TSPAN11: variants seen among roughly 807,000 people sequenced by gnomAD.
The protein encoded by TSPAN11 is tetraspanin-11.
TSPAN11 carries 29 observed loss-of-function variants against 32.9 expected under a neutral mutation model. The observed-to-expected ratio is 0.88, with a 90% CI of 0.66 to 1.20. TSPAN11 has a LOEUF of 1.20. TSPAN11 is among the 50% of genes most tolerant of loss of function. TSPAN11 has a pLI of 0.00. For synonymous variants in TSPAN11, 140 were observed against 141.3 expected (o/e 0.99, Z 0.07); for missense variants, 283 against 329.1 (o/e 0.86, Z 1.08).
intron 1 of TSPAN11, among the ~76,000 whole-genome samples, chr12:30,932,552 C>T (rs1937954691): frequency 6.6e-6 from 1 of 152,172 alleles, no homozygotes; most frequent in Admixed American, 6.5e-5. Context: ...GGCATATGGT[C>T]CTTCTCTCGA....
At chr12:31,009,020 C>T in the TSPAN11 span, among the ~76,000 whole-genome samples, 3 of 152,328 alleles carry the variant, frequency 2.0e-5, no homozygotes, top group Admixed American at 6.5e-5. Flanking sequence ...TGACCCCAAT[C>T]GCTGTGTTAG....
intron 1 of TSPAN11, among the ~76,000 whole-genome samples, chr12:30,951,399 C>G (rs1938378254): frequency 6.6e-6 from 1 of 152,192 alleles, no homozygotes; most frequent in African/African-American, 2.4e-5. Context: ...TCTGGTCGCT[C>G]CCCTTCCTCC....
At chr12:30,978,015 C>T (rs1939010345) in intron 3 of TSPAN11, among the ~76,000 whole-genome samples, 1 of 152,206 alleles carries the variant, frequency 6.6e-6, no homozygotes, top group South Asian at 2.1e-4. Context: ...ACTCCCTGAA[C>T]ACAAATGCCC....
intron 3 of TSPAN11, 100 bp downstream of exon 3, chr12:30,964,117 C>T: frequency 1.0e-6 from 1 of 969,338 alleles, no homozygotes; most frequent in Non-Finnish European, 1.4e-6. Flanking sequence ...GTGGGAGGGG[C>T]TGAGGCTGTG....
chr12:30,962,354 C>G (rs888562515), intron 2 of TSPAN11, among the ~76,000 whole-genome samples: 1 of 152,256 alleles, frequency 6.6e-6, no homozygotes, highest in African/African-American at 2.4e-5. Context: ...GGGACAGAGT[C>G]CTGGATTTGC....
intron 1 of TSPAN11, chr12:30,927,064 C>T: frequency 1.6e-6 from 2 of 1,263,554 alleles, no homozygotes; most frequent in South Asian, 2.6e-5. Context: ...CATGAGTCTG[C>T]CTTTCTGCAC....
chr12:30,965,572 T>C (rs1173656000), intron 3 of TSPAN11, among the ~76,000 whole-genome samples: 1 of 152,060 alleles, frequency 6.6e-6, no homozygotes. Flanking sequence ...AGAGCCCAAT[T>C]AGAACACAAA....
intron 3 of TSPAN11, 81 bp from the exon 4 acceptor site, chr12:30,978,480 C>T (rs1393738500): frequency 1.4e-6 from 2 of 1,389,224 alleles, no homozygotes; most frequent in Non-Finnish European, 2.0e-6. Flanking sequence ...GGTATCTCTA[C>T]CACCCCCACC....
intron 1 of TSPAN11, among the ~76,000 whole-genome samples, chr12:30,938,306 T>C (rs929926626): frequency 3.3e-5 from 5 of 152,176 alleles, no homozygotes; most frequent in Non-Finnish European, 5.9e-5. Flanking sequence ...CCACCCTCAA[T>C]GGACATGAGC....
intron 1 of TSPAN11, among the ~76,000 whole-genome samples, chr12:30,934,531 T>C (rs760186678): frequency 6.6e-6 from 1 of 152,204 alleles, no homozygotes; most frequent in African/African-American, 2.4e-5. Flanking sequence ...CCTTATATAC[T>C]GAGGTTTTAC....
chr12:30,989,367 A>C (rs1337069844), intron 7 of TSPAN11, among the ~76,000 whole-genome samples: 1 of 152,144 alleles, frequency 6.6e-6, no homozygotes, highest in Non-Finnish European at 1.5e-5. Flanking sequence ...GTGAGGGAAT[A>C]GCGTGTGCAA....
intron 7 of TSPAN11, among the ~76,000 whole-genome samples, chr12:30,991,398 G>A (rs1939309237): frequency 6.6e-6 from 1 of 152,184 alleles, no homozygotes; most frequent in Admixed American, 6.5e-5. Flanking sequence ...TTCCTAGAGA[G>A]ACAGTCCACT....
At chr12:31,003,270 G>A in the TSPAN11 span, among the ~76,000 whole-genome samples, 1 of 152,244 alleles carries the variant, frequency 6.6e-6, no homozygotes, top group Non-Finnish European at 1.5e-5. Flanking sequence ...CCTCTGGGAG[G>A]TGTGGGGACC....
In TSPAN11 at chr12:30,992,107, C is replaced by T; in HGVS notation, c.*192C>T. On this transcript the variant is annotated 3_prime_UTR_variant, in exon 8 of 8. Transcript: ENST00000546076. ...CCACCCAGGCAGAGACCCTCGGCCC[C>T]CTCTCCTCCATTTCTGAGCCCCCAT... is the stretch of plus-strand genomic sequence containing the variant. 1 of 637,274 alleles carries T rather than the reference C, an allele frequency of 1.6e-6. No homozygotes were observed. Among genetic ancestry groups the T allele is most frequent in the Non-Finnish European group, 2.8e-6 (1 of 357,992 alleles). 39.5% of individuals were successfully genotyped at this position (637,274 alleles called of 1,614,324 possible). A position where few individuals can be genotyped will look rare whatever the true frequency, so the allele number is the denominator to read the frequency against.
intron 7 of TSPAN11, among the ~76,000 whole-genome samples, chr12:30,984,999 G>A (rs111560672): frequency 2.6e-5 from 4 of 152,264 alleles, no homozygotes; most frequent in East Asian, 1.9e-4. Context: ...CAGATCTGTG[G>A]GAAAGAGAAG....
intron 1 of TSPAN11, among the ~76,000 whole-genome samples, chr12:30,948,102 T>C (rs991843026): frequency 6.6e-6 from 1 of 152,216 alleles, no homozygotes; most frequent in African/African-American, 2.4e-5. Flanking sequence ...ACTCCAGCTC[T>C]CACATCCAGG....
At chr12:30,984,580 C>T (rs1259181774) in intron 7 of TSPAN11, among the ~76,000 whole-genome samples, 5 of 103,248 alleles carry the variant, frequency 4.8e-5, no homozygotes, top group African/African-American at 9.9e-5. Context: ...TTTTTTTGCG[C>T]GACAGTCTCA....
the TSPAN11 span, among the ~76,000 whole-genome samples, chr12:31,013,798 G>C: frequency 6.6e-6 from 1 of 152,154 alleles, no homozygotes; most frequent in Non-Finnish European, 1.5e-5. Context: ...GTCTGGTCTT[G>C]AACCAGGAAT....
chr12:30,956,174 G>A (rs1390976727), intron 2 of TSPAN11, among the ~76,000 whole-genome samples: 1 of 152,220 alleles, frequency 6.6e-6, no homozygotes, highest in Non-Finnish European at 1.5e-5. Context: ...GATGGTGGAT[G>A]GTAGAGCTCT....
Sources: allele counts gnomAD v4.1 joint callset (sites outside exome capture counted in the v4.1 genomes callset), GRCh38; gene constraint gnomAD v4.1.1; transcripts MANE v1.5; gene names NCBI Gene and HGNC (gene_info 2026-07-23, HGNC 2026-07-21).